The following GRIP1 variants were observed in gnomAD, a reference collection of about 807,000 sequenced individuals.
The protein encoded by GRIP1 is glutamate receptor-interacting protein 1.
GRIP1 carries 45 observed loss-of-function variants against 129.9 expected under a neutral mutation model. The ratio of observed to expected loss-of-function variants is 0.35; its 90% CI spans 0.27 to 0.44. The LOEUF (loss-of-function observed/expected upper bound fraction) is 0.44. Among genes scored for constraint, GRIP1 ranks in the 20% least tolerant of loss-of-function variants. GRIP1 has a pLI of 1.00. For missense variants in GRIP1, 1,196 were observed against 1,396.8 expected (o/e 0.86, Z 2.29); for synonymous variants, 530 against 520.8 (o/e 1.02, Z -0.24).
At chr12:66,877,784 T>C (rs1024238111) in intron 1 of GRIP1, among the ~76,000 whole-genome samples, 1 of 151,914 alleles carries the variant, frequency 6.6e-6, no homozygotes, top group African/African-American at 2.4e-5. Context: ...GATTAGAAAA[T>C]GGAATGGGAC....
At position 66,425,824 on chromosome 12, in the gene GRIP1, G is replaced by A. The variant is rs2057965742; in HGVS notation, c.1769-5035C>T. ...ACATCACACACCGGGGACAGTTGTGGGGTGGGGGAAGGGGGGAGGGATAGC... is the reference window on the plus strand; with the variant it reads ...ACATCACACACCGGGGACAGTTGTGAGGTGGGGGAAGGGGGGAGGGATAGC... On this transcript the variant is annotated intron_variant, in intron 14 of 24. Coordinates refer to ENST00000359742, the MANE Select transcript of GRIP1 (RefSeq NM_001366722.1). Among the ~76,000 whole-genome samples the A allele has an allele frequency of 2.0e-5, 3 of 152,152 alleles. No individual in the cohort carries two copies. In the South Asian group the frequency reaches 6.2e-4, roughly 32 times the overall value.
At chr12:66,792,946 A>G (rs1020701365) in intron 1 of GRIP1, among the ~76,000 whole-genome samples, 5 of 152,176 alleles carry the variant, frequency 3.3e-5, no homozygotes, top group Non-Finnish European at 5.9e-5. Context: ...ACTCTCTTTG[A>G]GAAATATTTC....
chr12:67,018,231 C>A (rs2042816138), intron 1 of GRIP1, among the ~76,000 whole-genome samples: 1 of 152,116 alleles, frequency 6.6e-6, no homozygotes, highest in African/African-American at 2.4e-5. Flanking sequence ...CAGGCTTACA[C>A]CAGCAAGACA....
chr12:66,364,265 CAAAAAAA>C (rs1159887365), intron 23 of GRIP1, among the ~76,000 whole-genome samples: 2 of 16,346 alleles, frequency 1.2e-4, no homozygotes, highest in Non-Finnish European at 2.1e-4. Flanking sequence ...GACTCCATCT[CAAAAAAA>C]AAAAAAAAAA....
At chr12:66,712,061 T>A (rs1462754870) in intron 1 of GRIP1, among the ~76,000 whole-genome samples, 1 of 151,978 alleles carries the variant, frequency 6.6e-6, no homozygotes, top group Non-Finnish European at 1.5e-5. Flanking sequence ...GTGACATTTT[T>A]AAGAAACATG....
At chr12:66,351,261 G>C (rs1291116652) in intron 24 of GRIP1, among the ~76,000 whole-genome samples, 2 of 152,188 alleles carry the variant, frequency 1.3e-5, no homozygotes, top group African/African-American at 4.8e-5. Flanking sequence ...GTGACAAACT[G>C]TTTCCAGGTG....
At chr12:66,588,146 T>C (rs144375499) in intron 2 of GRIP1, among the ~76,000 whole-genome samples, 3 of 152,276 alleles carry the variant, frequency 2.0e-5, no homozygotes, top group East Asian at 3.9e-4. Flanking sequence ...ACATAAAGCA[T>C]AGTTATGGTG....
intron 23 of GRIP1, among the ~76,000 whole-genome samples, chr12:66,355,206 A>G (rs1249868200): frequency 1.3e-5 from 2 of 152,104 alleles, no homozygotes; most frequent in African/African-American, 2.4e-5. Context: ...CGCTCATTCC[A>G]TCATTGTGTG....
At chr12:66,727,635 G>A (rs998969684) in intron 1 of GRIP1, among the ~76,000 whole-genome samples, 2 of 152,046 alleles carry the variant, frequency 1.3e-5, no homozygotes, top group Non-Finnish European at 2.9e-5. Context: ...GACACAAAAG[G>A]GAAAAATGCA....
intron 1 of GRIP1, among the ~76,000 whole-genome samples, chr12:66,601,983 C>T (rs901822120): frequency 3.3e-5 from 5 of 152,086 alleles, no homozygotes; most frequent in Non-Finnish European, 2.9e-5. Flanking sequence ...CTGGATTACC[C>T]GACGGGGTGA....
In GRIP1 at chr12:66,353,602, T is replaced by G. The variant is rs762717086; in HGVS notation, c.3013-39A>C. 90 of 1,596,446 alleles carry G rather than the reference T, an allele frequency of 5.6e-5. 1 individual carries two copies. The highest frequency in any genetic ancestry group is 7.4e-5 in the Non-Finnish European group (86 of 1,164,014). On this transcript the variant is annotated intron_variant, in intron 23 of 24. Transcript: ENST00000359742. ...ATGGGATGTGAATATTTAGCTGGGG[T>G]GGAGACTTTTCCTTCTGCAACTTCT... is the stretch of plus-strand genomic sequence containing the variant.
intron 23 of GRIP1, among the ~76,000 whole-genome samples, chr12:66,364,947 C>T (rs548301742): frequency 6.6e-5 from 10 of 152,080 alleles, no homozygotes; most frequent in African/African-American, 1.4e-4. Context: ...TTCCCCAGGG[C>T]GTGTCCATAA....
At chr12:66,486,143 A>G (rs1424982793) in intron 7 of GRIP1, among the ~76,000 whole-genome samples, 1 of 152,140 alleles carries the variant, frequency 6.6e-6, no homozygotes, top group African/African-American at 2.4e-5. Context: ...AGCAAAAAGT[A>G]AAGCTCAGTA....
chr12:66,448,851 C>T (rs888330383), intron 11 of GRIP1, among the ~76,000 whole-genome samples: 2 of 152,124 alleles, frequency 1.3e-5, no homozygotes, highest in Admixed American at 6.6e-5. Flanking sequence ...TAACCCCTGC[C>T]CTGTTTTGAA....
chr12:66,887,075 T>C (rs1265595402), intron 1 of GRIP1, among the ~76,000 whole-genome samples: 1 of 152,224 alleles, frequency 6.6e-6, no homozygotes, highest in East Asian at 1.9e-4. Flanking sequence ...AGTAAAGCAA[T>C]TAAAACTGTG....
At chr12:66,354,500 C>T (rs1011174520) in intron 23 of GRIP1, among the ~76,000 whole-genome samples, 3 of 152,158 alleles carry the variant, frequency 2.0e-5, no homozygotes, top group Non-Finnish European at 4.4e-5. Context: ...CTGGGCACTG[C>T]GCCCAGCAGC....
chr12:67,003,318 A>G (rs559949822), intron 1 of GRIP1, among the ~76,000 whole-genome samples: 27 of 152,334 alleles, frequency 1.8e-4, no homozygotes, highest in Non-Finnish European at 3.1e-4. Context: ...TTTCATTTAT[A>G]GTATTAATAC....
chr12:66,845,533 C>T (rs1322535374), intron 1 of GRIP1, among the ~76,000 whole-genome samples: 2 of 152,030 alleles, frequency 1.3e-5, no homozygotes, highest in East Asian at 3.9e-4. Flanking sequence ...TTTTGCATTC[C>T]ACTTCTATTT....
At chr12:66,824,110 C>T (rs1013292685) in intron 1 of GRIP1, among the ~76,000 whole-genome samples, 1 of 152,096 alleles carries the variant, frequency 6.6e-6, no homozygotes, top group African/African-American at 2.4e-5. Context: ...GTGATGTAAC[C>T]GTGGCAGAGG....
Sources: allele counts gnomAD v4.1 joint callset (sites outside exome capture counted in the v4.1 genomes callset), GRCh38; gene constraint gnomAD v4.1.1; transcripts MANE v1.5; gene names NCBI Gene and HGNC (gene_info 2026-07-23, HGNC 2026-07-21).